The following KLHL6 variants were observed in gnomAD, a reference collection of about 807,000 sequenced individuals.
The protein encoded by KLHL6 is kelch-like protein 6.
A neutral mutation model predicts 58.6 loss-of-function variants in KLHL6; 41 were observed. That is an observed-to-expected ratio of 0.70 (90% CI 0.55 to 0.91). KLHL6 has a LOEUF of 0.91. Among genes scored for constraint, KLHL6 ranks in the 40% least tolerant of loss-of-function variants. KLHL6 has a pLI of 0.00. For synonymous variants in KLHL6, 338 were observed against 322.7 expected (o/e 1.05, Z -0.51); for missense variants, 714 against 805.6 (o/e 0.89, Z 1.38).
chr3:183,530,001 C>A (rs1712105742), intron 1 of KLHL6, among the ~76,000 whole-genome samples: 1 of 152,032 alleles, frequency 6.6e-6, no homozygotes, highest in Non-Finnish European at 1.5e-5. Flanking sequence ...CATCTGCAAG[C>A]CAGGAAGGGG....
intron 1 of KLHL6, among the ~76,000 whole-genome samples, chr3:183,539,014 C>A (rs1413309453): frequency 6.6e-6 from 1 of 152,182 alleles, no homozygotes; most frequent in Non-Finnish European, 1.5e-5. Flanking sequence ...CTTAGACTTA[C>A]TAAAGCCAAA....
intron 1 of KLHL6, among the ~76,000 whole-genome samples, chr3:183,551,616 T>G (rs943957089): frequency 6.6e-6 from 1 of 152,116 alleles, no homozygotes; most frequent in Admixed American, 6.6e-5. Context: ...AAGGAAAGCT[T>G]ATGGTAAGAG....
intron 1 of KLHL6, among the ~76,000 whole-genome samples, chr3:183,553,031 A>T (rs1338896783): frequency 6.6e-6 from 1 of 152,140 alleles, no homozygotes; most frequent in Non-Finnish European, 1.5e-5. Context: ...AGCGCTCCAC[A>T]AACAGGAGTT....
rs1023074684 is a variant in KLHL6 at position 183,505,711 on chromosome 3, C to G, written c.909+2348G>C. Among the ~76,000 whole-genome samples, 4 of 150,678 alleles carry G rather than the reference C, an allele frequency of 2.7e-5. No individual in the cohort carries two copies. The South Asian group carries it at 8.3e-4, about 31-fold the overall frequency. ...ATCTGGAATGAGAGATGTGACAACA[C>G]TATAGATTCTGCAGGTATTAACAAG... is the stretch of plus-strand genomic sequence containing the variant. On this transcript the variant is annotated intron_variant, in intron 3 of 6. Coordinates refer to ENST00000341319, the MANE Select transcript of KLHL6 (RefSeq NM_130446.4).
At chr3:183,507,850 C>T (rs113416394) in intron 3 of KLHL6, among the ~76,000 whole-genome samples, 2,948 of 152,244 alleles carry the variant, frequency 0.019, 90 homozygotes, top group African/African-American at 0.068. Flanking sequence ...TCTCACCTAA[C>T]GCGCTCAGTA....
intron 1 of KLHL6, among the ~76,000 whole-genome samples, chr3:183,540,873 C>T (rs774280376): frequency 3.9e-5 from 6 of 152,200 alleles, no homozygotes; most frequent in Non-Finnish European, 5.9e-5. Context: ...CCAACGAGGT[C>T]GGCTCAGATT....
intron 1 of KLHL6, among the ~76,000 whole-genome samples, chr3:183,550,517 G>A (rs544907538): frequency 2.0e-5 from 3 of 152,302 alleles, no homozygotes; most frequent in South Asian, 2.1e-4. Flanking sequence ...AAGGCCAGGC[G>A]TGGTGGGTGG....
intron 1 of KLHL6, among the ~76,000 whole-genome samples, chr3:183,534,689 C>T: frequency 6.6e-6 from 1 of 151,724 alleles, no homozygotes; most frequent in East Asian, 1.9e-4. Flanking sequence ...GGCATGAGCC[C>T]CACCATGCCC....
rs1330656662 is a variant in KLHL6, at chr3:183,489,309, G to A, written c.*2618C>T. 3.3e-5 allele frequency: 5 copies of A among 152,138 alleles called. No individual in the cohort carries two copies. The highest frequency in any genetic ancestry group is 2.1e-4 in the South Asian group (1 of 4,814). 9.4% of individuals were successfully genotyped at this position (152,138 alleles called of 1,614,324 possible). The stretch of plus-strand genomic sequence containing the variant: ...AATCAGTTCACAAATGGTTCTGGTG[G>A]CGATCTCAAAGAGACAAACATGTAA... On this transcript the variant is annotated 3_prime_UTR_variant, in exon 7 of 7. Coordinates refer to ENST00000341319, the MANE Select transcript of KLHL6 (RefSeq NM_130446.4).
rs372814858 is a variant in KLHL6 at position 183,519,144 on chromosome 3, C to T, written c.459+8701G>A. Among the ~76,000 whole-genome samples the T allele has an allele frequency of 7.2e-5, 11 of 152,294 alleles. No individual in the cohort carries two copies. The South Asian group carries it at 1.2e-3, about 17-fold the overall frequency. On this transcript the variant is annotated intron_variant, in intron 2 of 6. Transcript: ENST00000341319. ...GGGCCCTGTGGCAGTTGCTCCACGT[C>T]CCCTGTAGCTCTGGATTTGTAAAGG...
chr3:183,494,516 T>G (rs1394055163), intron 4 of KLHL6, among the ~76,000 whole-genome samples: 8 of 152,104 alleles, frequency 5.3e-5, no homozygotes, highest in African/African-American at 1.7e-4. Context: ...ACCTCAGTGC[T>G]GCGAGAGTTC....
chr3:183,553,059 C>T (rs763494395), intron 1 of KLHL6, among the ~76,000 whole-genome samples: 4 of 151,958 alleles, frequency 2.6e-5, no homozygotes, highest in Admixed American at 6.6e-5. Context: ...ATAGTAGCAC[C>T]GGAAGAAAGA....
rs11920576 is a variant in KLHL6, at chr3:183,540,971, C to T, written c.294-12961G>A. On this transcript the variant is annotated intron_variant, in intron 1 of 6. Coordinates refer to ENST00000341319, the MANE Select transcript of KLHL6 (RefSeq NM_130446.4). ...CCGACCAGGCTATTGCCCGGAGGCT[C>T]CACATGACCCTCTTTTTCCACTTTC... Among the ~76,000 whole-genome samples the T allele has an allele frequency of 8.6e-3, 1,306 of 152,252 alleles. 22 individuals carry two copies. The highest frequency in any genetic ancestry group is 0.03 in the African/African-American group (1,239 of 41,536).
In KLHL6 at chr3:183,535,885, C is replaced by G. The variant is rs1050248570; in HGVS notation, c.294-7875G>C. ...CTGCCTCCCGGGTTCATGCCATTCTCCTGCCTCAGCCTCCTGAGTAGCTAG... is the reference window on the plus strand; with the variant it reads ...CTGCCTCCCGGGTTCATGCCATTCTGCTGCCTCAGCCTCCTGAGTAGCTAG... On this transcript the variant is annotated intron_variant, in intron 1 of 6. Coordinates refer to ENST00000341319, the MANE Select transcript of KLHL6 (RefSeq NM_130446.4). Among the ~76,000 whole-genome samples, 9 of 152,344 alleles carry G rather than the reference C, an allele frequency of 5.9e-5. No individual in the cohort carries two copies. In the East Asian group the frequency reaches 7.7e-4, roughly 13 times the overall value.
rs369666567 is a variant in KLHL6 at position 183,491,951 on chromosome 3, G to T, written c.1842C>A (p.Ile614=). The T allele has an allele frequency of 6.6e-7, 1 of 1,521,858 alleles. No individual in the cohort carries two copies. The highest frequency in any genetic ancestry group is 8.8e-7 in the Non-Finnish European group (1 of 1,132,326). 94.3% of individuals were successfully genotyped at this position (1,521,858 alleles called of 1,614,324 possible). Residue 614 remains isoleucine (I), a synonymous_variant, in exon 7 of 7, where the codon ATC becomes ATA. Transcript: ENST00000341319. ...GTCAGACAGACACTGCTCCGGGCAC[G>T]ATCCTGCGGATGTGGGTGTACGACT... ...IRKSYTHIRR[I]VPGAVSV
intron 1 of KLHL6, among the ~76,000 whole-genome samples, chr3:183,536,210 G>C (rs374180206): frequency 1.1e-4 from 16 of 152,210 alleles, no homozygotes; most frequent in Admixed American, 4.6e-4. Flanking sequence ...CAAGACAAGG[G>C]GGGGAGGAAG....
At chr3:183,532,644 C>T (rs1376903704) in intron 1 of KLHL6, among the ~76,000 whole-genome samples, 1 of 152,126 alleles carries the variant, frequency 6.6e-6, no homozygotes, top group African/African-American at 2.4e-5. Flanking sequence ...TGAGTAAAGC[C>T]ATAAAGATGC....
chr3:183,499,528 C>T lies in KLHL6; in HGVS notation c.1147+62G>A. The T allele has an allele frequency of 8.9e-7, 1 of 1,120,022 alleles. No individual in the cohort carries two copies. The highest frequency in any genetic ancestry group is 1.3e-6 in the Non-Finnish European group (1 of 776,906). The allele number at this position is 1,120,022 out of a possible 1,614,324, so 69.4% of individuals were successfully genotyped here. Reference sequence around the variant, plus strand: ...TTCTTCTAGGATGGTTGCCTGGCTGCCACTCAGGAATATATGTAGTGCTAC... The same window carrying T: ...TTCTTCTAGGATGGTTGCCTGGCTGTCACTCAGGAATATATGTAGTGCTAC... On this transcript the variant is annotated intron_variant, in intron 4 of 6. Transcript: ENST00000341319. This position sits in a 1 kb window ranked among gnomAD's most constrained non-coding sequence, Gnocchi z 4.6.
intron 2 of KLHL6, among the ~76,000 whole-genome samples, chr3:183,525,786 G>A (rs1483706604): frequency 6.6e-6 from 1 of 152,202 alleles, no homozygotes; most frequent in East Asian, 1.9e-4. Context: ...CTGCGGCAAT[G>A]CCCAAAATAG....
Sources: gnomAD v4.1 joint callset for allele counts (sites outside exome capture counted in the v4.1 genomes callset) on GRCh38, gnomAD v4.1.1 for gene constraint, Gnocchi (gnomAD v3.1) non-coding constraint, MANE v1.5 for transcripts, NCBI Gene and HGNC (gene_info 2026-07-23, HGNC 2026-07-21) for gene names.